NR2F1-AS1: variants seen among roughly 807,000 people sequenced by gnomAD.
NR2F1-AS1 encodes the protein NR2F1 antisense RNA 1.
At position 93,442,167 on chromosome 5, in the gene NR2F1-AS1, G is replaced by A. The variant is rs373827933; in HGVS notation, n.639-46625C>T. 5.3e-4 allele frequency among the ~76,000 whole-genome samples: 80 copies of A among 152,300 alleles called. 1 individual carries two copies. Among genetic ancestry groups the A allele is most frequent in the African/African-American group, 1.8e-3 (76 of 41,560 alleles). On this transcript the variant is annotated intron_variant and non_coding_transcript_variant, in intron 4 of 5. Coordinates refer to ENST00000660523, the Ensembl canonical transcript of NR2F1-AS1. The stretch of plus-strand genomic sequence containing the variant: ...GGTGACTTCTGCATTTCCAACTGAG[G>A]TGCCAGGTTCATCTCACTGGGGCTT...
upstream of NR2F1-AS1, among the ~76,000 whole-genome samples, chr5:93,582,964 A>C (rs1270676292): frequency 1.3e-5 from 2 of 152,054 alleles, no homozygotes; most frequent in African/African-American, 4.8e-5. Flanking sequence ...GGGGAGAAAG[A>C]AAGCAAAAGA....
intron 4 of NR2F1-AS1, among the ~76,000 whole-genome samples, chr5:93,486,750 G>A (rs1031223331): frequency 1.1e-4 from 17 of 152,132 alleles, no homozygotes; most frequent in Non-Finnish European, 2.9e-5. Flanking sequence ...ATTTTATGAT[G>A]CCAGCATCAT....
chr5:93,484,613 T>C (rs1283907746), intron 4 of NR2F1-AS1, among the ~76,000 whole-genome samples: 1 of 151,964 alleles, frequency 6.6e-6, no homozygotes, highest in Non-Finnish European at 1.5e-5. Flanking sequence ...ATTAACCTTA[T>C]ATGTAAGCAG....
chr5:93,452,926 CA>C (rs1266611703), intron 4 of NR2F1-AS1, among the ~76,000 whole-genome samples: 2 of 150,660 alleles, frequency 1.3e-5, no homozygotes, highest in African/African-American at 4.9e-5. Context: ...TAATATCCAG[CA>C]TCTGTTCAAA....
intron 4 of NR2F1-AS1, among the ~76,000 whole-genome samples, chr5:93,414,791 T>A (rs1044277657): frequency 3.1e-4 from 46 of 148,040 alleles, no homozygotes; most frequent in African/African-American, 1.2e-3. Flanking sequence ...TATATAAGGT[T>A]TTTTTGTAAC....
chr5:93,567,771 G>A (rs188807794), intron 1 of NR2F1-AS1, among the ~76,000 whole-genome samples: 4 of 152,240 alleles, frequency 2.6e-5, no homozygotes, highest in Admixed American at 2.0e-4. Flanking sequence ...TGCCTATTTC[G>A]TCAAATAAAG....
At chr5:93,531,759 TC>T (rs1241830242) in intron 4 of NR2F1-AS1, among the ~76,000 whole-genome samples, 3 of 152,040 alleles carry the variant, frequency 2.0e-5, no homozygotes, top group African/African-American at 7.2e-5. Flanking sequence ...AAGTTATAAC[TC>T]CGTAGTAGCA....
At chr5:93,570,880 T>G (rs1045190904) in intron 1 of NR2F1-AS1, 5 of 152,234 alleles carry the variant, frequency 3.3e-5, no homozygotes, top group Admixed American at 6.5e-5. Flanking sequence ...GGGGCCGCGC[T>G]TAGGGTCGGA....
chr5:93,516,277 T>A (rs1239532682), intron 4 of NR2F1-AS1, among the ~76,000 whole-genome samples: 1 of 151,812 alleles, frequency 6.6e-6, no homozygotes, highest in Non-Finnish European at 1.5e-5. Flanking sequence ...AGGACAAACA[T>A]GACCTGAAAT....
Position 93,418,587 on chromosome 5 carries a change from A to AT in NR2F1-AS1, n.639-23046_639-23045insA, listed in dbSNP as rs541361810. ...GCAAAAGAGCGAGACGCCGTCTCAT[A>AT]AAAATAAATAAATAAATAAATAAAT... On this transcript the variant is annotated intron_variant and non_coding_transcript_variant, in intron 4 of 5. Transcript: ENST00000660523. Among the ~76,000 whole-genome samples, 275 of 141,132 alleles carry AT rather than the reference A, an allele frequency of 1.9e-3. 3 individuals carry two copies. The highest frequency in any genetic ancestry group is 7.9e-3 in the African/African-American group (264 of 33,580). The allele number at this position is 141,132 out of a possible 152,430, so 92.6% of individuals were successfully genotyped here. A position where few individuals can be genotyped will look rare whatever the true frequency, so the allele number is the denominator to read the frequency against.
chr5:93,562,451 T>C (rs1261804162), intron 2 of NR2F1-AS1, among the ~76,000 whole-genome samples: 7 of 151,734 alleles, frequency 4.6e-5, no homozygotes, highest in Non-Finnish European at 1.0e-4. Flanking sequence ...GCCACCAAGC[T>C]GGGCTAATTA....
intron 4 of NR2F1-AS1, among the ~76,000 whole-genome samples, chr5:93,526,433 C>T (rs141412021): frequency 5.8e-4 from 88 of 152,276 alleles, no homozygotes; most frequent in African/African-American, 2.0e-3. Flanking sequence ...GGATCTGGTA[C>T]CATTCCTTCT....
chr5:93,431,517 A>G (rs1749324460), intron 4 of NR2F1-AS1, among the ~76,000 whole-genome samples: 1 of 152,122 alleles, frequency 6.6e-6, no homozygotes, highest in Non-Finnish European at 1.5e-5. Context: ...AGAGAAATTT[A>G]TTTTTCCCAG....
At chr5:93,437,750 A>G (rs559930048) in intron 4 of NR2F1-AS1, among the ~76,000 whole-genome samples, 1 of 152,366 alleles carries the variant, frequency 6.6e-6, no homozygotes, top group African/African-American at 2.4e-5. Flanking sequence ...TGCTGTAACT[A>G]TCTTACAAGC....
chr5:93,430,537 C>A (rs1176587218), intron 4 of NR2F1-AS1, among the ~76,000 whole-genome samples: 1 of 151,998 alleles, frequency 6.6e-6, no homozygotes, highest in Non-Finnish European at 1.5e-5. Flanking sequence ...ACATATACAC[C>A]ATTAAAAATA....
At chr5:93,560,100 C>T (rs1187358330) in intron 2 of NR2F1-AS1, among the ~76,000 whole-genome samples, 1 of 152,044 alleles carries the variant, frequency 6.6e-6, no homozygotes, top group African/African-American at 2.4e-5. Context: ...GCTTCAAACT[C>T]TTCATCAATA....
At chr5:93,565,082 T>C (rs1752586205) in intron 1 of NR2F1-AS1, among the ~76,000 whole-genome samples, 1 of 152,080 alleles carries the variant, frequency 6.6e-6, no homozygotes, top group East Asian at 1.9e-4. Context: ...TGACAGGCAA[T>C]GTGGAGTGAG....
intron 4 of NR2F1-AS1, among the ~76,000 whole-genome samples, chr5:93,520,692 T>C (rs186356025): frequency 6.6e-6 from 1 of 152,046 alleles, no homozygotes; most frequent in East Asian, 1.9e-4. Flanking sequence ...TCGTCTTCCA[T>C]CAAAAACAAA....
intron 4 of NR2F1-AS1, among the ~76,000 whole-genome samples, chr5:93,453,332 A>T (rs1749878103): frequency 6.6e-6 from 1 of 152,138 alleles, no homozygotes; most frequent in South Asian, 2.1e-4. Flanking sequence ...CATGCAGACT[A>T]ATATATATGT....
Sources: gnomAD v4.1 joint callset for allele counts (sites outside exome capture counted in the v4.1 genomes callset) on GRCh38, gnomAD v4.1.1 for gene constraint, MANE v1.5 for transcripts, NCBI Gene and HGNC (gene_info 2026-07-23, HGNC 2026-07-21) for gene names.